MAGEA11: variants seen among roughly 807,000 people sequenced by gnomAD.
MAGEA11 encodes MAGE family member A11.
Under a neutral mutation model 8.4 loss-of-function variants are expected in MAGEA11, and 1 was observed. The ratio of observed to expected loss-of-function variants is 0.12; its 90% CI spans 0.04 to 0.57. The LOEUF is 0.57. MAGEA11 is among the 20% of genes least tolerant of loss of function. The probability of loss-of-function intolerance (pLI) is 0.91; values close to 1 mark genes in which losing one functional copy is unlikely to be tolerated. For synonymous variants in MAGEA11, 127 were observed against 119.3 expected, an observed-to-expected ratio of 1.06 and a Z score of -0.42; for missense variants, 209 against 317.3, an observed-to-expected ratio of 0.66 and a Z score of 2.59.
At chrX:149,715,002 G>T (rs1179669200) in intron 3 of MAGEA11, among the ~76,000 whole-genome samples, 1 of 111,889 alleles carries the variant, frequency 8.9e-6, no homozygotes, top group Non-Finnish European at 1.9e-5. Context: ...GCCAAGATAG[G>T]CATCAAGATG....
chrX:149,697,105 G>A, intron 1 of MAGEA11, among the ~76,000 whole-genome samples: 1 of 110,585 alleles, frequency 9.0e-6, no homozygotes, highest in Non-Finnish European at 1.9e-5. Flanking sequence ...CTCACTGTGT[G>A]TCCCCACACC....
rs782185975 is a variant in MAGEA11, at chrX:149,701,063, T to C, written c.9+12079T>C. ...GTCTTTATAGCAGCATGATTTATAG[T>C]CTTTTGGGTATATACCCAGTAATGG... On this transcript the variant is annotated intron_variant, in intron 1 of 3. Coordinates refer to the MAGEA11 transcript ENST00000333104. Among the ~76,000 whole-genome samples, 9 of 111,591 alleles carry C rather than the reference T, an allele frequency of 8.1e-5. 1 individual carries two copies. The South Asian group carries it at 1.9e-3, about 24-fold the overall frequency.
exon 1 of MAGEA11, chrX:149,688,915 G>C: frequency 1.0e-6 from 1 of 995,641 alleles, no homozygotes; most frequent in South Asian, 1.9e-5. Context: ...CATAGAGGTG[G>C]GTGCTATGCA....
At chrX:149,690,185 C>T (rs781861644) in intron 1 of MAGEA11, among the ~76,000 whole-genome samples, 8 of 112,809 alleles carry the variant, frequency 7.1e-5, no homozygotes, top group African/African-American at 3.2e-5. Flanking sequence ...TTTACTTTTA[C>T]CTGTTGCCTC....
intron 1 of MAGEA11, among the ~76,000 whole-genome samples, chrX:149,701,576 T>C (rs1468735713): frequency 1.8e-5 from 2 of 109,897 alleles, no homozygotes; most frequent in Non-Finnish European, 3.8e-5. Flanking sequence ...TTTAATTAGA[T>C]CCCATTTGTC....
intron 1 of MAGEA11, among the ~76,000 whole-genome samples, chrX:149,696,609 A>G (rs782430767): frequency 3.9e-4 from 43 of 110,664 alleles, no homozygotes; most frequent in African/African-American, 1.4e-3. Context: ...CTTCAGGTAT[A>G]GGTCTTCTTC....
chrX:149,705,862 G>C (rs1409052190), intron 1 of MAGEA11, among the ~76,000 whole-genome samples: 1 of 111,869 alleles, frequency 8.9e-6, no homozygotes, highest in Non-Finnish European at 1.9e-5. Flanking sequence ...CTCCAGAAGA[G>C]GCTGTTGGTG....
chrX:149,688,941 T>C, exon 1 of MAGEA11: 6 of 1,025,237 alleles, frequency 5.9e-6, no homozygotes, highest in Non-Finnish European at 7.7e-6. Flanking sequence ...AGCTGGTGAC[T>C]GATGGCTGAC....
rs1557362568 is a variant in MAGEA11, at chrX:149,716,773, CT to C, written c.1288del (p.Ter430GlufsTer30). 1 of 1,187,513 alleles carries C rather than the reference CT, an allele frequency of 8.4e-7. No individual in the cohort carries two copies. Among genetic ancestry groups the C allele is most frequent in the African/African-American group, 1.8e-5 (1 of 56,764 alleles). The part of the protein sequence containing the change: ...DALREEGEGV[*>X] ...CTTTGAGAGAGGAGGGAGAGGGAGT[CT>C]GAGCATGAGATGCAACCAGGGCCAG... On this transcript the variant is annotated frameshift_variant and stop_lost, in exon 5 of 5. Transcript: ENST00000355220. LOFTEE classifies it high-confidence loss of function.
At chrX:149,714,732 G>A (rs782817158) in intron 3 of MAGEA11, among the ~76,000 whole-genome samples, 156 bp downstream of exon 3, 27 of 111,998 alleles carry the variant, frequency 2.4e-4, no homozygotes, top group Non-Finnish European at 4.7e-4. Flanking sequence ...CTCAGGGAGC[G>A]GGAGACATTG....
chrX:149,714,531 A>T lies in MAGEA11; in HGVS notation c.147A>T (p.Pro49=), dbSNP rs144265874. ...EDDFQSTERA[P]YGPQLQWSQD... is the part of the protein sequence containing the mutation. ...ACTTCCAGTCAACAGAAAGAGCCCC[A>T]TATGGTCCACAACTACAGTGGTCCC... Residue 49 remains proline (P), a synonymous_variant, in exon 3 of 5, where the codon CCA becomes CCT. Transcript: ENST00000355220. 3 of 1,211,288 alleles carry T rather than the reference A, an allele frequency of 2.5e-6. No individual in the cohort carries two copies. Among genetic ancestry groups the T allele is most frequent in the African/African-American group, 3.5e-5 (2 of 57,589 alleles).
chrX:149,696,365 G>A (rs1557360539), intron 1 of MAGEA11, among the ~76,000 whole-genome samples: 1 of 110,253 alleles, frequency 9.1e-6, no homozygotes, highest in African/African-American at 3.3e-5. Flanking sequence ...CTGAAGCCCT[G>A]CCACATTAGG....
At chrX:149,706,074 T>C (rs1246717441) in intron 1 of MAGEA11, among the ~76,000 whole-genome samples, 1 of 111,978 alleles carries the variant, frequency 8.9e-6, no homozygotes, top group Non-Finnish European at 1.9e-5. Context: ...CCAGCTCACC[T>C]CCAGTCCCAT....
At chrX:149,711,930 ACCCCGCCCCGCCCCGCCTCGCCTCG>A (rs2090402626), upstream of MAGEA11, 1 of 120,220 alleles carries the variant, frequency 8.3e-6, no homozygotes, top group Non-Finnish European at 1.1e-5. Context: ...CCCCTGCCCC[ACCCCGCCCCGCCCCGCCTCGCCTCG>A]CCCCGCCCCG....
intron 2 of MAGEA11, 55 bp downstream of exon 2, chrX:149,713,310 C>G: frequency 1.3e-6 from 1 of 772,239 alleles, no homozygotes; most frequent in Non-Finnish European, 1.9e-6. Flanking sequence ...ACATGTGGTG[C>G]ATCCTCACTC....
At chrX:149,689,454 T>G (rs1602916275) in intron 1 of MAGEA11, among the ~76,000 whole-genome samples, 1 of 112,157 alleles carries the variant, frequency 8.9e-6, no homozygotes, top group East Asian at 2.8e-4. Context: ...AATCCCTTAT[T>G]TTAACTGAAG....
At chrX:149,711,560 G>A (rs1162994769), upstream of MAGEA11, among the ~76,000 whole-genome samples, 1 of 111,674 alleles carries the variant, frequency 9.0e-6, no homozygotes, top group Non-Finnish European at 1.9e-5. Context: ...AATGCTCAGA[G>A]GTGACAGAAA....
At chrX:149,711,930 AC>A (rs1238277400), upstream of MAGEA11, 303 of 121,735 alleles carry the variant, frequency 2.5e-3, no homozygotes, top group African/African-American at 0.023. Context: ...CCCCTGCCCC[AC>A]CCCGCCCCGC....
At chrX:149,689,675 A>G (rs1442101522) in intron 1 of MAGEA11, among the ~76,000 whole-genome samples, 1 of 112,495 alleles carries the variant, frequency 8.9e-6, no homozygotes, top group Non-Finnish European at 1.9e-5. Flanking sequence ...GGTGGGCTTC[A>G]TCATGCCCCT....
Sources: allele counts gnomAD v4.1 joint callset (sites outside exome capture counted in the v4.1 genomes callset), GRCh38; gene constraint gnomAD v4.1.1; transcripts MANE v1.5; gene names NCBI Gene and HGNC (gene_info 2026-07-23, HGNC 2026-07-21).